The following CTIF variants were observed in gnomAD, a reference collection of about 807,000 sequenced individuals.
The protein encoded by CTIF is CBP80/20-dependent translation initiation factor.
A neutral mutation model predicts 66.0 loss-of-function variants in CTIF; 21 were observed. The ratio of observed to expected loss-of-function variants is 0.32; its 90% CI spans 0.23 to 0.46. The LOEUF is 0.46. CTIF is among the 20% of genes least tolerant of loss of function. CTIF has a pLI of 1.00. For synonymous variants in CTIF, 345 were observed against 326.4 expected, an observed-to-expected ratio of 1.06 and a Z score of -0.62; for missense variants, 739 against 812.7, an observed-to-expected ratio of 0.91 and a Z score of 1.10.
intron 6 of CTIF, among the ~76,000 whole-genome samples, chr18:48,681,212 C>T (rs964724936): frequency 1.3e-5 from 2 of 152,248 alleles, no homozygotes; most frequent in African/African-American, 4.8e-5. Flanking sequence ...AATCCCAGGC[C>T]CCTCTGTTCT....
chr18:48,641,407 T>C lies in CTIF; in HGVS notation c.252+4722T>C, dbSNP rs1028742877. On this transcript the variant is annotated intron_variant, in intron 3 of 11. Transcript: ENST00000256413. ...CCGTGTTGGCTGTTAAGCAAGGTGA[T>C]GAAATCTTTGCTAGGAACCTGATGA... is the stretch of plus-strand genomic sequence containing the variant. 2.6e-5 allele frequency among the ~76,000 whole-genome samples: 4 copies of C among 152,358 alleles called. 1 individual carries two copies. Among genetic ancestry groups the C allele is most frequent in the Admixed American group, 2.6e-4 (4 of 15,308 alleles).
chr18:48,820,588 C>T (rs971741008), intron 10 of CTIF, among the ~76,000 whole-genome samples: 13 of 152,196 alleles, frequency 8.5e-5, no homozygotes, highest in Non-Finnish European at 2.9e-5. Flanking sequence ...GTCAGAACTG[C>T]ACCCCAAGAC....
chr18:48,857,815 G>A (rs1167829072), intron 11 of CTIF, among the ~76,000 whole-genome samples, 174 bp downstream of exon 11: 1 of 152,160 alleles, frequency 6.6e-6, no homozygotes, highest in African/African-American at 2.4e-5. Context: ...CCCCAAGCCA[G>A]AGTGAACACT....
At chr18:48,554,123 T>A (rs1443343210) in intron 1 of CTIF, among the ~76,000 whole-genome samples, 1 of 152,176 alleles carries the variant, frequency 6.6e-6, no homozygotes. Context: ...ACCAGCTAAG[T>A]TGTCTTCTCA....
chr18:48,639,157 G>C (rs1471638167), intron 3 of CTIF, among the ~76,000 whole-genome samples: 3 of 152,246 alleles, frequency 2.0e-5, no homozygotes, highest in Non-Finnish European at 4.4e-5. Context: ...GGAAGGGAAG[G>C]CTCAGTCAGA....
rs1372024855 is a variant in CTIF, at chr18:48,730,478, C to CCT, written c.584+18783_584+18784insCT. ...GGGCTTCCGCGGTGTGAGGGGCTTC[C>CCT]GCGGTGTGAGGGGCTTCTGCGGTGT... On this transcript the variant is annotated intron_variant, in intron 7 of 11. Coordinates refer to ENST00000256413, the MANE Select transcript of CTIF (RefSeq NM_014772.3). Among the ~76,000 whole-genome samples the CCT allele has an allele frequency of 1.2e-3, 97 of 82,184 alleles. 15 individuals are homozygous for CCT. Among genetic ancestry groups the CCT allele is most frequent in the Admixed American group, 1.7e-3 (14 of 8,142 alleles). 53.9% of individuals were successfully genotyped at this position (82,184 alleles called of 152,430 possible).
chr18:48,631,307 T>C (rs2090708512), intron 2 of CTIF, among the ~76,000 whole-genome samples: 1 of 152,050 alleles, frequency 6.6e-6, no homozygotes, highest in African/African-American at 2.4e-5. Context: ...CTACTAAAAA[T>C]ACAAAAAAAT....
At chr18:48,624,561 T>C (rs923596734) in intron 2 of CTIF, among the ~76,000 whole-genome samples, 1 of 152,202 alleles carries the variant, frequency 6.6e-6, no homozygotes, top group African/African-American at 2.4e-5. Flanking sequence ...TCGTGGATGA[T>C]CTAGTGGATC....
At chr18:48,717,229 G>A (rs368093235) in intron 7 of CTIF, among the ~76,000 whole-genome samples, 3 of 151,902 alleles carry the variant, frequency 2.0e-5, no homozygotes, top group East Asian at 1.9e-4. Context: ...GAGAAACCCC[G>A]TCTCTACTAA....
intron 10 of CTIF, among the ~76,000 whole-genome samples, chr18:48,832,774 C>T (rs146774517): frequency 6.6e-6 from 1 of 152,216 alleles, no homozygotes; most frequent in Non-Finnish European, 1.5e-5. Context: ...TTAGGAAACG[C>T]AAACACACTT....
rs529242943 is a variant in CTIF, at chr18:48,564,612, G to A, written c.-29+25300G>A. Among the ~76,000 whole-genome samples, 3 of 152,258 alleles carry A rather than the reference G, an allele frequency of 2.0e-5. No homozygotes were observed. The East Asian group carries it at 5.8e-4, about 29-fold the overall frequency. ...TTACCTTCTTGGTGTAGGTGGTTGT[G>A]TAGGTTTTTGTTTTGTTTTGTTTTG... On this transcript the variant is annotated intron_variant, in intron 1 of 11. Coordinates refer to ENST00000256413, the MANE Select transcript of CTIF (RefSeq NM_014772.3).
At chr18:48,782,760 C>T (rs1214716363) in intron 9 of CTIF, among the ~76,000 whole-genome samples, 1 of 152,172 alleles carries the variant, frequency 6.6e-6, no homozygotes, top group Non-Finnish European at 1.5e-5. Flanking sequence ...GGCCTCCGGG[C>T]TGAGTTGGCG....
chr18:48,578,959 G>A (rs1213519731), intron 1 of CTIF, among the ~76,000 whole-genome samples: 1 of 152,126 alleles, frequency 6.6e-6, no homozygotes, highest in Non-Finnish European at 1.5e-5. Flanking sequence ...CTTCTAAGAG[G>A]TTCATGGTTG....
chr18:48,844,360 G>A (rs8086506), intron 10 of CTIF, among the ~76,000 whole-genome samples: 77 of 152,312 alleles, frequency 5.1e-4, no homozygotes, highest in African/African-American at 1.7e-3. Context: ...AGGAGAAGCC[G>A]CTGGAGTTGT....
intron 1 of CTIF, among the ~76,000 whole-genome samples, chr18:48,591,629 C>A (rs1599201072): frequency 6.6e-6 from 1 of 152,234 alleles, no homozygotes; most frequent in Non-Finnish European, 1.5e-5. Flanking sequence ...CCTCATGCAA[C>A]CCTGGCAGGT....
chr18:48,627,839 G>A (rs1486052827), intron 2 of CTIF, among the ~76,000 whole-genome samples: 1 of 152,058 alleles, frequency 6.6e-6, no homozygotes, highest in East Asian at 1.9e-4. Context: ...TGAGAGTGAG[G>A]CCACCTGGGA....
chr18:48,832,612 G>A (rs958234225), intron 10 of CTIF, among the ~76,000 whole-genome samples: 1 of 152,182 alleles, frequency 6.6e-6, no homozygotes, highest in Non-Finnish European at 1.5e-5. Flanking sequence ...AATCGTGGCC[G>A]AGTGTGTGGA....
At chr18:48,856,141 G>A (rs969351864) in intron 10 of CTIF, among the ~76,000 whole-genome samples, 3 of 152,222 alleles carry the variant, frequency 2.0e-5, no homozygotes, top group South Asian at 2.1e-4. Context: ...GGAGTGGTCC[G>A]TGGGGCTTGG....
intron 1 of CTIF, among the ~76,000 whole-genome samples, chr18:48,557,685 C>G (rs907418565): frequency 6.6e-6 from 1 of 152,228 alleles, no homozygotes; most frequent in African/African-American, 2.4e-5. Context: ...GCTTAAACAA[C>G]AGACATTTTA....
Sources: gnomAD v4.1 joint callset for allele counts (sites outside exome capture counted in the v4.1 genomes callset) on GRCh38, gnomAD v4.1.1 for gene constraint, MANE v1.5 for transcripts, NCBI Gene and HGNC (gene_info 2026-07-23, HGNC 2026-07-21) for gene names.